Variants in POLR3B observed in about 807,000 individuals in gnomAD.
POLR3B encodes RNA polymerase III subunit B.
In POLR3B, 96 loss-of-function variants were observed where a neutral mutation model predicts 147.4. The ratio of observed to expected loss-of-function variants is 0.65; its 90% CI spans 0.55 to 0.77. The LOEUF (loss-of-function observed/expected upper bound fraction) is 0.77, where lower values mean the gene tolerates loss of function less well. Ranked by LOEUF, POLR3B falls within the 30% of genes least tolerant of loss-of-function variation. The pLI is 0.00. For synonymous variants in POLR3B, 461 were observed against 485.9 expected (o/e 0.95, Z 0.67); for missense variants, 1,036 against 1,413.5 (o/e 0.73, Z 4.28).
chr12:106,376,474 TC>T, intron 7 of POLR3B, 24 bp downstream of exon 7: 1 of 1,484,346 alleles, frequency 6.7e-7, no homozygotes, highest in Non-Finnish European at 9.4e-7. Flanking sequence ...CTTGGATTTG[TC>T]CCACTTTCCT....
intron 7 of POLR3B, among the ~76,000 whole-genome samples, chr12:106,376,975 T>G (rs948057833): frequency 1.3e-5 from 2 of 152,216 alleles, no homozygotes; most frequent in Non-Finnish European, 2.9e-5. Context: ...ATATGACACA[T>G]TCTTGTTTAT....
At chr12:106,461,478 C>A (rs1273005238) in intron 22 of POLR3B, among the ~76,000 whole-genome samples, 1 of 152,088 alleles carries the variant, frequency 6.6e-6, no homozygotes, top group East Asian at 1.9e-4. Context: ...CAGTCCCTGT[C>A]TTTGTGGGAA....
chr12:106,436,776 G>A (rs1363343779), intron 16 of POLR3B, among the ~76,000 whole-genome samples: 3 of 152,102 alleles, frequency 2.0e-5, no homozygotes, highest in Non-Finnish European at 4.4e-5. Context: ...AAAACCAAAT[G>A]TTTCCTAAGA....
At chr12:106,455,580 A>G (rs571645851) in intron 20 of POLR3B, among the ~76,000 whole-genome samples, 25 of 152,338 alleles carry the variant, frequency 1.6e-4, no homozygotes, top group African/African-American at 4.6e-4. Flanking sequence ...CAGTGATCTG[A>G]GTTTACTATC....
chr12:106,490,701 G>C (rs1371005323), intron 23 of POLR3B, among the ~76,000 whole-genome samples: 1 of 152,158 alleles, frequency 6.6e-6, no homozygotes, highest in African/African-American at 2.4e-5. Context: ...TGGAAAAGGG[G>C]AGGGGAAGAA....
At chr12:106,436,302 T>C (rs2037575220) in intron 16 of POLR3B, among the ~76,000 whole-genome samples, 1 of 152,226 alleles carries the variant, frequency 6.6e-6, no homozygotes, top group South Asian at 2.1e-4. Context: ...CAGTGCCGCA[T>C]GCCATCCTTT....
chr12:106,482,918 C>T (rs2038289396), intron 23 of POLR3B, among the ~76,000 whole-genome samples: 1 of 152,124 alleles, frequency 6.6e-6, no homozygotes, highest in South Asian at 2.1e-4. Flanking sequence ...ATTTATTCTT[C>T]CTAGTAAATA....
intron 15 of POLR3B, 23 bp from the exon 16 acceptor site, chr12:106,433,696 A>T (rs1439897257): frequency 1.2e-6 from 2 of 1,603,934 alleles, no homozygotes; most frequent in Admixed American, 3.4e-5. Flanking sequence ...TTTCTGTCTT[A>T]CCTGTTCTTT....
intron 23 of POLR3B, among the ~76,000 whole-genome samples, chr12:106,479,208 T>G (rs2038226783): frequency 6.6e-6 from 1 of 152,098 alleles, no homozygotes; most frequent in African/African-American, 2.4e-5. Context: ...CTTTCTGGTT[T>G]TCTTAGTGAT....
intron 9 of POLR3B, among the ~76,000 whole-genome samples, chr12:106,392,559 C>A (rs1169384115): frequency 6.6e-6 from 1 of 152,124 alleles, no homozygotes; most frequent in Non-Finnish European, 1.5e-5. Context: ...AGGAAAAATT[C>A]TTTTCCTTTT....
chr12:106,480,638 G>A (rs1286465523), intron 23 of POLR3B, among the ~76,000 whole-genome samples: 2 of 152,232 alleles, frequency 1.3e-5, no homozygotes, highest in Admixed American at 6.5e-5. Context: ...TAGGGGAGAA[G>A]TGTAGTTTCC....
chr12:106,440,518 G>T (rs2037635824), intron 18 of POLR3B, among the ~76,000 whole-genome samples: 1 of 151,942 alleles, frequency 6.6e-6, no homozygotes, highest in Non-Finnish European at 1.5e-5. Context: ...AACCACACTG[G>T]CCTCTTCTCC....
intron 9 of POLR3B, among the ~76,000 whole-genome samples, chr12:106,382,773 T>C (rs771795300): frequency 1.3e-5 from 2 of 152,202 alleles, no homozygotes; most frequent in Non-Finnish European, 2.9e-5. Context: ...TATAGCATAA[T>C]TCTTAAGGGC....
chr12:106,451,515 G>A (rs560252409), intron 19 of POLR3B, among the ~76,000 whole-genome samples: 7 of 151,388 alleles, frequency 4.6e-5, no homozygotes, highest in South Asian at 2.1e-4. Flanking sequence ...CCAGCTACTC[G>A]GGTGGCTGAG....
rs763250444 is a variant in POLR3B, at chr12:106,489,229, C to T, written c.2714-6826C>T. On this transcript the variant is annotated intron_variant, in intron 23 of 27. Coordinates refer to ENST00000228347, the MANE Select transcript of POLR3B (RefSeq NM_018082.6). ...CAAATCTGAGATAATGGCATACGCTCCCTAAATCCTTAAGGACCAGACAGC... is the reference window on the plus strand; with the variant it reads ...CAAATCTGAGATAATGGCATACGCTTCCTAAATCCTTAAGGACCAGACAGC... Among the ~76,000 whole-genome samples, 4 of 152,150 alleles carry T rather than the reference C, an allele frequency of 2.6e-5. No homozygotes were observed. In the South Asian group the frequency reaches 8.3e-4, roughly 32 times the overall value.
intron 23 of POLR3B, among the ~76,000 whole-genome samples, chr12:106,489,958 G>C (rs2038386764): frequency 6.6e-6 from 1 of 152,124 alleles, no homozygotes; most frequent in Admixed American, 6.6e-5. Context: ...GATGCCAAAT[G>C]ATCCATCAGA....
In POLR3B at chr12:106,378,263, G is replaced by A. The variant is rs772513749; in HGVS notation, c.497-4G>A. The A allele has an allele frequency of 8.4e-6, 13 of 1,554,998 alleles. No individual in the cohort carries two copies. The Admixed American group carries it at 2.0e-4, about 24-fold the overall frequency. The stretch of plus-strand genomic sequence containing the variant: ...ATGAAGTTTTTCTTGTTTCCTTTGG[G>A]TAGGTGGCTACTTCATTGTTAAAGG... On this transcript the variant is annotated splice_region_variant and splice_polypyrimidine_tract_variant and intron_variant, in intron 7 of 27. Transcript: ENST00000228347.
At chr12:106,457,765 G>A (rs2037883532) in intron 21 of POLR3B, among the ~76,000 whole-genome samples, 1 of 152,190 alleles carries the variant, frequency 6.6e-6, no homozygotes, top group Non-Finnish European at 1.5e-5. Context: ...TTGATCAGAG[G>A]ATCATGCATA....
At chr12:106,385,858 GGAT>G (rs141827651) in intron 9 of POLR3B, among the ~76,000 whole-genome samples, 1 of 152,104 alleles carries the variant, frequency 6.6e-6, no homozygotes, top group East Asian at 1.9e-4. Flanking sequence ...TTTCTTTTCA[GGAT>G]GATGATGATG....
Sources: allele counts gnomAD v4.1 joint callset (sites outside exome capture counted in the v4.1 genomes callset), GRCh38; gene constraint gnomAD v4.1.1; transcripts MANE v1.5; gene names NCBI Gene and HGNC (gene_info 2026-07-23, HGNC 2026-07-21).